The following RGS5 variants were observed in gnomAD, a reference collection of about 807,000 sequenced individuals.
The protein encoded by RGS5 is regulator of G-protein signalling 5.
RGS5 carries 20 observed loss-of-function variants against 18.9 expected under a neutral mutation model. That is an observed-to-expected ratio of 1.06 (90% CI 0.74 to 1.54). The LOEUF is 1.54. RGS5 is among the 40% of genes most tolerant of loss of function. The pLI, the probability that RGS5 is intolerant of heterozygous loss-of-function variation, is 0.00. For missense variants in RGS5, 201 were observed against 211.8 expected, an observed-to-expected ratio of 0.95 and a Z score of 0.32; for synonymous variants, 57 against 76.2, an observed-to-expected ratio of 0.75 and a Z score of 1.31.
At chr1:163,172,502 T>A in intron 1 of RGS5, 1 of 1,534,980 alleles carries the variant, frequency 6.5e-7, no homozygotes, top group Non-Finnish European at 8.8e-7. Context: ...CAACTATCAT[T>A]TATAACATTG....
chr1:163,314,538 C>G (rs1049300397), intron 1 of RGS5, among the ~76,000 whole-genome samples: 1 of 151,690 alleles, frequency 6.6e-6, no homozygotes, highest in African/African-American at 2.4e-5. Flanking sequence ...AAAACACCAA[C>G]AAAACAAAAC....
intron 2 of RGS5, among the ~76,000 whole-genome samples, chr1:163,275,091 G>A (rs535014612): frequency 6.6e-6 from 1 of 152,304 alleles, no homozygotes; most frequent in East Asian, 1.9e-4. Context: ...ACTCCAGACT[G>A]TGAGACAGAG....
chr1:163,276,812 T>C (rs1648868977), intron 2 of RGS5, among the ~76,000 whole-genome samples: 1 of 152,188 alleles, frequency 6.6e-6, no homozygotes, highest in Admixed American at 6.5e-5. Context: ...TGACAAATCT[T>C]GGCCAGAAGG....
At chr1:163,181,052 T>C (rs960070573) in intron 1 of RGS5, among the ~76,000 whole-genome samples, 2 of 152,142 alleles carry the variant, frequency 1.3e-5, no homozygotes, top group African/African-American at 4.8e-5. Flanking sequence ...TTTTGTTTTT[T>C]CTCATATACA....
chr1:163,202,285 C>T (rs1659801213), intron 1 of RGS5, among the ~76,000 whole-genome samples: 1 of 152,152 alleles, frequency 6.6e-6, no homozygotes, highest in Non-Finnish European at 1.5e-5. Flanking sequence ...AGGTGCCAGA[C>T]ATGGTTCTGA....
At chr1:163,293,524 T>G (rs1410630177) in intron 2 of RGS5, among the ~76,000 whole-genome samples, 2 of 152,128 alleles carry the variant, frequency 1.3e-5, no homozygotes, top group African/African-American at 4.8e-5. Flanking sequence ...GGGTTAAAAT[T>G]TGAATTACAA....
At chr1:163,235,373 G>A (rs1042722825) in intron 2 of RGS5, among the ~76,000 whole-genome samples, 7 of 152,142 alleles carry the variant, frequency 4.6e-5, no homozygotes, top group African/African-American at 9.7e-5. Context: ...AAAGTAGTAG[G>A]ATATTGGCTG....
At chr1:163,310,905 A>G (rs1649840155) in intron 1 of RGS5, among the ~76,000 whole-genome samples, 1 of 152,172 alleles carries the variant, frequency 6.6e-6, no homozygotes, top group South Asian at 2.1e-4. Context: ...CCTTCTTCAC[A>G]AGGCAGCAGG....
intron 1 of RGS5, among the ~76,000 whole-genome samples, chr1:163,184,043 T>G (rs1309777355): frequency 6.6e-6 from 1 of 152,108 alleles, no homozygotes; most frequent in African/African-American, 2.4e-5. Context: ...TGCCCTGTGG[T>G]TCTTGCACGT....
At chr1:163,319,305 A>G (rs957730033) in intron 1 of RGS5, 2 of 152,260 alleles carry the variant, frequency 1.3e-5, no homozygotes, top group African/African-American at 4.8e-5. Context: ...GAAAAGGAAC[A>G]TGAAATTAAA....
chr1:163,213,931 C>T (rs1206358330), intron 1 of RGS5, among the ~76,000 whole-genome samples: 1 of 152,168 alleles, frequency 6.6e-6, no homozygotes, highest in Admixed American at 6.5e-5. Context: ...CCAAACCTTC[C>T]GTTTTCTGAC....
intron 1 of RGS5, chr1:163,212,867 A>C (rs1660136495): frequency 6.6e-6 from 1 of 152,040 alleles, no homozygotes; most frequent in Admixed American, 6.5e-5. Flanking sequence ...ATCTCACACT[A>C]TTTTGTTCCA....
chr1:163,230,612 G>A (rs892306832), intron 2 of RGS5, among the ~76,000 whole-genome samples: 1 of 152,106 alleles, frequency 6.6e-6, no homozygotes, highest in African/African-American at 2.4e-5. Context: ...ACTTTTAAAA[G>A]CAGTCTAAAG....
At chr1:163,243,491 C>G (rs1019402136) in intron 2 of RGS5, among the ~76,000 whole-genome samples, 14 of 151,556 alleles carry the variant, frequency 9.2e-5, no homozygotes, top group African/African-American at 3.4e-4. Context: ...ACTAAAAATA[C>G]AAAAAATTAG....
intron 1 of RGS5, among the ~76,000 whole-genome samples, chr1:163,176,767 G>A (rs535052047): frequency 5.9e-5 from 9 of 152,178 alleles, no homozygotes; most frequent in East Asian, 5.8e-4. Flanking sequence ...TATTTTCAAC[G>A]AAATAAAAAA....
At chr1:163,311,492 T>C (rs1296007485) in intron 1 of RGS5, among the ~76,000 whole-genome samples, 1 of 152,208 alleles carries the variant, frequency 6.6e-6, no homozygotes, top group Non-Finnish European at 1.5e-5. Context: ...TAATCATTTC[T>C]AGTTTTTATT....
At chr1:163,316,088 ACAC>A (rs1359159924) in intron 1 of RGS5, among the ~76,000 whole-genome samples, 1 of 152,228 alleles carries the variant, frequency 6.6e-6, no homozygotes, top group Non-Finnish European at 1.5e-5. Context: ...ATAAAATTAT[ACAC>A]TACAATACTA....
intron 2 of RGS5, among the ~76,000 whole-genome samples, chr1:163,251,667 A>G (rs976287): frequency 0.41 from 62,867 of 152,008 alleles, 13,246 homozygotes; most frequent in Non-Finnish European, 0.44. Context: ...CTACTCCTGT[A>G]GTTATACGGA....
chr1:163,217,772 C>A (rs41271999), upstream of RGS5: 582 of 766,930 alleles, frequency 7.6e-4, 1 homozygote, highest in Non-Finnish European at 1.1e-3. Context: ...TTGTGCGAAA[C>A]TTCTGATATG....
Sources: allele counts gnomAD v4.1 joint callset (sites outside exome capture counted in the v4.1 genomes callset), GRCh38; gene constraint gnomAD v4.1.1; transcripts MANE v1.5; gene names NCBI Gene and HGNC (gene_info 2026-07-23, HGNC 2026-07-21).